The following C8orf34 variants were observed in gnomAD, a reference collection of about 807,000 sequenced individuals.
The protein encoded by C8orf34 is chromosome 8 open reading frame 34.
C8orf34 carries 65 observed loss-of-function variants against 68.3 expected under a neutral mutation model. The observed-to-expected ratio is 0.95, with a 90% CI of 0.78 to 1.17. The LOEUF (loss-of-function observed/expected upper bound fraction) is 1.17. Among genes scored for constraint, C8orf34 ranks in the 50% most tolerant of loss-of-function variants. The probability of loss-of-function intolerance (pLI) is 0.00; values close to 1 mark genes in which losing one functional copy is unlikely to be tolerated. For synonymous variants in C8orf34, 244 were observed against 241.2 expected, an observed-to-expected ratio of 1.01 and a Z score of -0.11; for missense variants, 664 against 655.4, an observed-to-expected ratio of 1.01 and a Z score of -0.14.
At chr8:68,448,220 C>T (rs1366227928) in intron 3 of C8orf34, among the ~76,000 whole-genome samples, 1 of 152,124 alleles carries the variant, frequency 6.6e-6, no homozygotes, top group Non-Finnish European at 1.5e-5. Context: ...TATGTAGCCA[C>T]AGGGTGCTGC....
intron 8 of C8orf34, among the ~76,000 whole-genome samples, chr8:68,667,803 T>G (rs1437279651): frequency 7.2e-5 from 11 of 152,168 alleles, no homozygotes; most frequent in Admixed American, 7.2e-4. Flanking sequence ...AGCGAGTGAC[T>G]AAAAATAAAA....
chr8:68,467,347 C>A (rs1003107477), intron 3 of C8orf34, among the ~76,000 whole-genome samples: 1 of 151,996 alleles, frequency 6.6e-6, no homozygotes, highest in Non-Finnish European at 1.5e-5. Context: ...TTACTATGTA[C>A]CCATCACTAA....
intron 8 of C8orf34, among the ~76,000 whole-genome samples, chr8:68,662,539 C>G (rs1040056672): frequency 6.6e-6 from 1 of 152,142 alleles, no homozygotes; most frequent in African/African-American, 2.4e-5. Flanking sequence ...GGTTTTTCCC[C>G]TGCACAAGCT....
intron 8 of C8orf34, among the ~76,000 whole-genome samples, chr8:68,643,290 A>G (rs542127656): frequency 5.3e-5 from 8 of 152,150 alleles, no homozygotes; most frequent in Non-Finnish European, 7.4e-5. Flanking sequence ...TTTTGCAAGT[A>G]AGGCATTTAA....
intron 7 of C8orf34, among the ~76,000 whole-genome samples, chr8:68,544,306 T>C (rs759326362): frequency 3.3e-5 from 5 of 152,140 alleles, no homozygotes; most frequent in Non-Finnish European, 5.9e-5. Context: ...CAAGAAAGAA[T>C]AAATCTCCCT....
intron 7 of C8orf34, among the ~76,000 whole-genome samples, chr8:68,589,031 G>A (rs1817289396): frequency 6.6e-6 from 1 of 152,088 alleles, no homozygotes; most frequent in African/African-American, 2.4e-5. Flanking sequence ...ATTTTAAACT[G>A]CAAGCCACAA....
Position 68,540,406 on chromosome 8 carries a change from G to A in C8orf34, c.1105+7257G>A, listed in dbSNP as rs146212011. On this transcript the variant is annotated intron_variant, in intron 7 of 13. Coordinates refer to ENST00000518698, the MANE Select transcript of C8orf34 (RefSeq NM_052958.4). ...AATGACAGAAAAAATTTCATATATA[G>A]TTTTAATTTCTTTAAAACTTTTTCA... Among the ~76,000 whole-genome samples the A allele has an allele frequency of 4.6e-3, 692 of 151,390 alleles. 7 individuals are homozygous for A. The highest frequency in any genetic ancestry group is 0.031 in the Admixed American group (464 of 15,104).
At chr8:68,441,060 T>A (rs971915968) in intron 2 of C8orf34, among the ~76,000 whole-genome samples, 17 of 152,148 alleles carry the variant, frequency 1.1e-4, no homozygotes, top group Admixed American at 3.3e-4. Flanking sequence ...CTCCTTGGCC[T>A]CCCAAAGTGC....
chr8:68,338,926 A>AT (rs1805961932), intron 1 of C8orf34, among the ~76,000 whole-genome samples: 2 of 152,022 alleles, frequency 1.3e-5, no homozygotes, highest in Non-Finnish European at 2.9e-5. Context: ...GTTTGTAATG[A>AT]TATCTCATTG....
At chr8:68,448,981 T>A (rs2129627167) in intron 3 of C8orf34, among the ~76,000 whole-genome samples, 1 of 152,102 alleles carries the variant, frequency 6.6e-6, no homozygotes, top group East Asian at 1.9e-4. Context: ...ATGCACCCAA[T>A]AACAGAAGTT....
chr8:68,351,442 T>C (rs1806509248), intron 1 of C8orf34, among the ~76,000 whole-genome samples: 2 of 152,064 alleles, frequency 1.3e-5, no homozygotes, highest in African/African-American at 4.8e-5. Context: ...ATCTTGGAGA[T>C]GATCTTCTTG....
At chr8:68,535,065 C>T (rs865981125) in intron 7 of C8orf34, 1 of 985,278 alleles carries the variant, frequency 1.0e-6, no homozygotes, top group Non-Finnish European at 1.2e-6. Context: ...ATGAGATTAT[C>T]CTCTTATAGC....
chr8:68,511,930 A>G (rs1344597283), intron 5 of C8orf34, among the ~76,000 whole-genome samples: 1 of 152,234 alleles, frequency 6.6e-6, no homozygotes, highest in Non-Finnish European at 1.5e-5. Flanking sequence ...TTCTGATTTT[A>G]GTCCATTTAG....
chr8:68,580,072 G>A (rs1262530400), intron 7 of C8orf34, among the ~76,000 whole-genome samples: 1 of 151,920 alleles, frequency 6.6e-6, no homozygotes, highest in African/African-American at 2.4e-5. Flanking sequence ...TTCATAGTAA[G>A]GACAGAAACA....
chr8:68,780,749 G>A (rs1037664590), intron 11 of C8orf34, among the ~76,000 whole-genome samples: 5 of 151,940 alleles, frequency 3.3e-5, no homozygotes, highest in African/African-American at 4.8e-5. Flanking sequence ...AAACCCCATC[G>A]CTAAACACAC....
chr8:68,778,982 G>T (rs1823596761), intron 11 of C8orf34, among the ~76,000 whole-genome samples: 1 of 151,724 alleles, frequency 6.6e-6, no homozygotes, highest in Admixed American at 6.6e-5. Flanking sequence ...TTCAAAACCA[G>T]CCTGGGCAAC....
chr8:68,449,157 AAAAC>A (rs374412004), intron 3 of C8orf34, among the ~76,000 whole-genome samples: 13 of 152,252 alleles, frequency 8.5e-5, no homozygotes, highest in South Asian at 2.1e-4. Context: ...GTCACATGGA[AAAAC>A]AAACAAACAA....
At chr8:68,381,158 CTA>C (rs1808013501) in intron 1 of C8orf34, among the ~76,000 whole-genome samples, 1 of 152,116 alleles carries the variant, frequency 6.6e-6, no homozygotes, top group South Asian at 2.1e-4. Flanking sequence ...AGAAGCTTGA[CTA>C]TTGTATTATC....
chr8:68,708,477 A>G (rs1227258831), intron 8 of C8orf34, among the ~76,000 whole-genome samples: 1 of 152,218 alleles, frequency 6.6e-6, no homozygotes, highest in African/African-American at 2.4e-5. Context: ...CTCAGTGTCT[A>G]TGAGAAGTCT....
Sources: gnomAD v4.1 joint callset for allele counts (sites outside exome capture counted in the v4.1 genomes callset) on GRCh38, gnomAD v4.1.1 for gene constraint, MANE v1.5 for transcripts, NCBI Gene and HGNC (gene_info 2026-07-23, HGNC 2026-07-21) for gene names.